ATP11B: variants seen among roughly 807,000 people sequenced by gnomAD.
The protein encoded by ATP11B is phospholipid-transporting ATPase IF.
In ATP11B, 81 loss-of-function variants were observed where a neutral mutation model predicts 157.8. The observed-to-expected ratio is 0.51, with a 90% CI of 0.43 to 0.62. The LOEUF (loss-of-function observed/expected upper bound fraction) is 0.62, where lower values mean the gene tolerates loss of function less well. Ranked by LOEUF, ATP11B falls within the 20% of genes least tolerant of loss-of-function variation. The pLI is 0.00. For missense variants in ATP11B, 1,165 were observed against 1,402.2 expected (o/e 0.83, Z 2.70); for synonymous variants, 451 against 469.4 (o/e 0.96, Z 0.51).
rs1236212622 is a variant in ATP11B, at chr3:182,921,530, C to A, written c.*3426C>A. 2.6e-5 allele frequency: 4 copies of A among 152,156 alleles called. No individual in the cohort carries two copies. Among genetic ancestry groups the A allele is most frequent in the East Asian group, 1.9e-4 (1 of 5,202 alleles). 9.4% of individuals were successfully genotyped at this position (152,156 alleles called of 1,614,324 possible). A position where few individuals can be genotyped will look rare whatever the true frequency, so the allele number is the denominator to read the frequency against. On this transcript the variant is annotated 3_prime_UTR_variant, in exon 30 of 30. Coordinates refer to ENST00000323116, the MANE Select transcript of ATP11B (RefSeq NM_014616.3). ...TGTCTAATGTAATCCTTTAAAAATT[C>A]TCTGCATTGTCAGTAAATGTAGTAT... is the stretch of plus-strand genomic sequence containing the variant.
intron 1 of ATP11B, among the ~76,000 whole-genome samples, chr3:182,795,926 T>G (rs10937101): frequency 0.56 from 85,752 of 152,064 alleles, 25,686 homozygotes; most frequent in Non-Finnish European, 0.68. Context: ...AGGACAAATT[T>G]GGGGAAATTG....
At chr3:182,863,560 TATTTTGTCTTTTACC>T (rs1334417335) in intron 12 of ATP11B, among the ~76,000 whole-genome samples, 2 of 152,100 alleles carry the variant, frequency 1.3e-5, no homozygotes, top group Admixed American at 1.3e-4. Context: ...CCTCTATTCC[TATTTTGTCTTTTACC>T]AATGAAATCT....
intron 1 of ATP11B, among the ~76,000 whole-genome samples, chr3:182,800,890 C>T (rs1715965325): frequency 1.3e-5 from 2 of 149,170 alleles, no homozygotes; most frequent in Admixed American, 1.3e-4. Flanking sequence ...CCCAGCCCCG[C>T]CCAGATTCAG....
chr3:182,820,748 A>G (rs1381380810), intron 2 of ATP11B, among the ~76,000 whole-genome samples: 1 of 152,142 alleles, frequency 6.6e-6, no homozygotes, highest in Non-Finnish European at 1.5e-5. Context: ...GTGTGTATTT[A>G]TTTATATCCT....
chr3:182,808,016 A>T (rs911820064), intron 1 of ATP11B, among the ~76,000 whole-genome samples: 1 of 152,226 alleles, frequency 6.6e-6, no homozygotes, highest in Admixed American at 6.5e-5. Flanking sequence ...TGATACACAT[A>T]GGTATTGTAA....
chr3:182,874,160 C>A, intron 19 of ATP11B, 145 bp downstream of exon 19: 2 of 646,530 alleles, frequency 3.1e-6, no homozygotes, highest in Non-Finnish European at 5.2e-6. Context: ...TAGATGAAAT[C>A]CAAAGAAGAA....
At chr3:182,882,309 C>A (rs1722481563) in intron 21 of ATP11B, among the ~76,000 whole-genome samples, 1 of 151,822 alleles carries the variant, frequency 6.6e-6, no homozygotes, top group Non-Finnish European at 1.5e-5. Flanking sequence ...ATGATAACTT[C>A]CTATACCATA....
In ATP11B at chr3:182,897,319, AT is replaced by A; in HGVS notation, c.3070del (p.Trp1024GlyfsTer53). ...TVTVKMALETHFWTWINHLVT... is the reference protein window; with the variant it reads ...TVTVKMALETXFWTWINHLVT... Reference sequence around the variant, plus strand: ...TTTTTTTAGATGGCTCTGGAAACTCATTTTTGGACTTGGATCAACCATCTCG... The same window carrying A: ...TTTTTTTAGATGGCTCTGGAAACTCATTTTGGACTTGGATCAACCATCTCG... On this transcript the variant is annotated frameshift_variant, in exon 27 of 30. Transcript: ENST00000323116. LOFTEE classifies it high-confidence loss of function. 6.4e-7 allele frequency: 1 copy of A among 1,571,224 alleles called. No homozygotes were observed. The highest frequency in any genetic ancestry group is 1.2e-5 in the South Asian group (1 of 82,224).
At chr3:182,894,419 C>T (rs1723383032) in intron 25 of ATP11B, among the ~76,000 whole-genome samples, 1 of 152,116 alleles carries the variant, frequency 6.6e-6, no homozygotes, top group Non-Finnish European at 1.5e-5. Flanking sequence ...CTCCCAACCT[C>T]AGGTGATCCG....
At chr3:182,894,560 T>G (rs2108575268) in intron 25 of ATP11B, among the ~76,000 whole-genome samples, 1 of 152,236 alleles carries the variant, frequency 6.6e-6, no homozygotes, top group South Asian at 2.1e-4. Context: ...CAAGGGCAAG[T>G]CAGAATGGAA....
intron 28 of ATP11B, among the ~76,000 whole-genome samples, chr3:182,899,592 A>C (rs1308356881): frequency 6.6e-6 from 1 of 152,232 alleles, no homozygotes; most frequent in Non-Finnish European, 1.5e-5. Context: ...AACTACAGCA[A>C]ATATTAGCAG....
intron 10 of ATP11B, among the ~76,000 whole-genome samples, chr3:182,854,218 C>T (rs1000319050): frequency 3.9e-5 from 6 of 152,114 alleles, no homozygotes; most frequent in African/African-American, 1.4e-4. Context: ...ACCAGTAATC[C>T]CAGCACTTTG....
intron 22 of ATP11B, 107 bp from the exon 23 acceptor site, chr3:182,885,844 C>T: frequency 1.5e-6 from 1 of 648,232 alleles, no homozygotes. Flanking sequence ...ACTTACCATA[C>T]CAACTGAGAT....
intron 29 of ATP11B, chr3:182,914,933 A>G (rs1725043012): frequency 3.0e-6 from 3 of 985,208 alleles, no homozygotes; most frequent in South Asian, 9.4e-5. Flanking sequence ...GGGCAGGGAG[A>G]GATGTTGGTT....
Position 182,793,688 on chromosome 3 carries a change from T to G in ATP11B, c.-72T>G, listed in dbSNP as rs1164255384. On this transcript the variant is annotated 5_prime_UTR_variant, in exon 1 of 30. Transcript: ENST00000323116. ...CGAGGGGCTCGCCCGCTCCCGCCTCTGTCTTGTCGGCCTCCACCTGCAGCC... is the reference window on the plus strand; with the variant it reads ...CGAGGGGCTCGCCCGCTCCCGCCTCGGTCTTGTCGGCCTCCACCTGCAGCC... 9 of 1,092,594 alleles carry G rather than the reference T, an allele frequency of 8.2e-6. No individual in the cohort carries two copies. Among genetic ancestry groups the G allele is most frequent in the Non-Finnish European group, 1.3e-6 (1 of 796,084 alleles). 67.7% of individuals were successfully genotyped at this position (1,092,594 alleles called of 1,614,324 possible).
intron 29 of ATP11B, chr3:182,915,244 T>C: frequency 2.0e-6 from 2 of 985,396 alleles, no homozygotes; most frequent in South Asian, 4.7e-5. Context: ...AGCATTCTTA[T>C]GTTAACATAA....
intron 2 of ATP11B, among the ~76,000 whole-genome samples, chr3:182,820,809 T>G (rs1717292129): frequency 6.6e-6 from 1 of 152,228 alleles, no homozygotes; most frequent in South Asian, 2.1e-4. Context: ...AATGGTTAAC[T>G]GTAGAATACA....
intron 28 of ATP11B, 84 bp downstream of exon 28, chr3:182,898,856 T>A: frequency 1.0e-6 from 1 of 985,534 alleles, no homozygotes; most frequent in South Asian, 3.5e-5. Context: ...TTTGATTATG[T>A]CAGAAAATAG....
chr3:182,906,651 G>A (rs766621481), intron 28 of ATP11B, among the ~76,000 whole-genome samples: 41 of 152,066 alleles, frequency 2.7e-4, no homozygotes, highest in African/African-American at 3.6e-4. Context: ...GGGTCTCGCC[G>A]TGTTGCACAC....
Sources: allele counts gnomAD v4.1 joint callset (sites outside exome capture counted in the v4.1 genomes callset), GRCh38; gene constraint gnomAD v4.1.1; transcripts MANE v1.5; gene names NCBI Gene and HGNC (gene_info 2026-07-23, HGNC 2026-07-21).